Variants in RANBP10 observed in about 807,000 individuals in gnomAD.
The protein encoded by RANBP10 is ran-binding protein 10.
In RANBP10, 24 loss-of-function variants were observed where a neutral mutation model predicts 72.8. The observed-to-expected ratio is 0.33, with a 90% CI of 0.24 to 0.46. The LOEUF is 0.46. RANBP10 is among the 20% of genes least tolerant of loss of function. The pLI is 1.00. For synonymous variants in RANBP10, 310 were observed against 322.3 expected, an observed-to-expected ratio of 0.96 and a Z score of 0.41; for missense variants, 679 against 817.5, an observed-to-expected ratio of 0.83 and a Z score of 2.07.
chr16:67,734,779 C>T, intron 6 of RANBP10, 79 bp downstream of exon 6: 1 of 1,357,228 alleles, frequency 7.4e-7, no homozygotes, highest in Admixed American at 3.1e-5. Flanking sequence ...GTAAGAACAG[C>T]TTGTAGCCCT....
chr16:67,737,192 CTTTTTTTTTTTTTT>C lies in RANBP10; in HGVS notation c.591+807_591+820del, dbSNP rs71145979. Among the ~76,000 whole-genome samples, 177 of 75,968 alleles carry C rather than the reference CTTTTTTTTTTTTTT, an allele frequency of 2.3e-3. 3 individuals are homozygous for C. Among genetic ancestry groups the C allele is most frequent in the Non-Finnish European group, 3.7e-3 (150 of 40,352 alleles). The allele number at this position is 75,968 out of a possible 152,430, so 49.8% of individuals were successfully genotyped here. A position where few individuals can be genotyped will look rare whatever the true frequency, so the allele number is the denominator to read the frequency against. On this transcript the variant is annotated intron_variant, in intron 5 of 13. Transcript: ENST00000317506. ...AGCAAGCAGAAAACTCCATCCTTTT[CTTTTTTTTTTTTTT>C]TTTTTTTTTTTTGAGACGGAGGCTC... is the stretch of plus-strand genomic sequence containing the variant.
intron 2 of RANBP10, among the ~76,000 whole-genome samples, chr16:67,786,203 C>T (rs2054914741): frequency 6.6e-6 from 1 of 151,786 alleles, no homozygotes; most frequent in Non-Finnish European, 1.5e-5. Context: ...GTGGCATGCA[C>T]CTGTAGTCCC....
intron 2 of RANBP10, among the ~76,000 whole-genome samples, chr16:67,800,809 G>C (rs2055222771): frequency 6.6e-6 from 1 of 152,162 alleles, no homozygotes; most frequent in African/African-American, 2.4e-5. Flanking sequence ...AGTCAAGCTA[G>C]TTACCCATCA....
At chr16:67,765,584 C>T (rs147449674) in intron 3 of RANBP10, among the ~76,000 whole-genome samples, 7,126 of 152,104 alleles carry the variant, frequency 0.047, 476 homozygotes, top group African/African-American at 0.15. Context: ...CGCCTGTAGT[C>T]CCAGCACTTT....
chr16:67,796,928 G>C (rs2055144452), intron 2 of RANBP10, among the ~76,000 whole-genome samples: 1 of 152,174 alleles, frequency 6.6e-6, no homozygotes, highest in African/African-American at 2.4e-5. Context: ...GAGAGGCAGA[G>C]GAACATCTTT....
intron 2 of RANBP10, among the ~76,000 whole-genome samples, chr16:67,800,596 C>T (rs1425927034): frequency 6.6e-6 from 1 of 152,134 alleles, no homozygotes; most frequent in East Asian, 1.9e-4. Flanking sequence ...ACCTGGATGC[C>T]CCTTATCTCC....
At chr16:67,787,254 C>CA (rs1265072301) in intron 2 of RANBP10, among the ~76,000 whole-genome samples, 1 of 151,976 alleles carries the variant, frequency 6.6e-6, no homozygotes, top group African/African-American at 2.4e-5. Flanking sequence ...ATCAATCAAT[C>CA]AATCAATCAA....
chr16:67,739,364 A>C (rs755123574), intron 4 of RANBP10, among the ~76,000 whole-genome samples: 2 of 152,146 alleles, frequency 1.3e-5, no homozygotes, highest in African/African-American at 2.4e-5. Context: ...GAGGTTCGAC[A>C]ATTTGCCAGT....
At chr16:67,747,348 TC>T (rs2054102102) in intron 3 of RANBP10, among the ~76,000 whole-genome samples, 1 of 152,252 alleles carries the variant, frequency 6.6e-6, no homozygotes, top group African/African-American at 2.4e-5. Context: ...AACTGTTTTT[TC>T]AAATTTTTAA....
chr16:67,740,218 T>C (rs1354781947), intron 4 of RANBP10, among the ~76,000 whole-genome samples: 4 of 151,282 alleles, frequency 2.6e-5, no homozygotes, highest in Non-Finnish European at 5.9e-5. Context: ...TTCTCCCGCC[T>C]CAGCCTCCCA....
At chr16:67,741,623 A>G (rs2053971092) in intron 4 of RANBP10, among the ~76,000 whole-genome samples, 1 of 152,256 alleles carries the variant, frequency 6.6e-6, no homozygotes, top group South Asian at 2.1e-4. Context: ...GACATCAGTC[A>G]GTATCTCCGT....
At chr16:67,785,723 C>T (rs2054903979) in intron 2 of RANBP10, among the ~76,000 whole-genome samples, 1 of 93,428 alleles carries the variant, frequency 1.1e-5, no homozygotes, top group East Asian at 2.1e-4. Context: ...GTGAGTGAGA[C>T]TCCATCTCAA....
intron 3 of RANBP10, among the ~76,000 whole-genome samples, chr16:67,760,071 G>C (rs1370475747): frequency 6.7e-6 from 1 of 148,822 alleles, no homozygotes; most frequent in East Asian, 2.0e-4. Context: ...CTGCACTCCA[G>C]CCTAGGTGAC....
At chr16:67,737,826 C>T (rs1188813653) in intron 5 of RANBP10, among the ~76,000 whole-genome samples, 187 bp downstream of exon 5, 4 of 152,130 alleles carry the variant, frequency 2.6e-5, no homozygotes, top group Non-Finnish European at 4.4e-5. Flanking sequence ...GAAGACCAGA[C>T]CTTACTGCTG....
At chr16:67,754,076 T>C (rs958980520) in intron 3 of RANBP10, among the ~76,000 whole-genome samples, 1 of 143,330 alleles carries the variant, frequency 7.0e-6, no homozygotes, top group East Asian at 2.0e-4. Flanking sequence ...GAGCTTGCAG[T>C]GAGCAGAGAT....
chr16:67,792,100 C>A (rs2055039739), intron 2 of RANBP10, among the ~76,000 whole-genome samples: 1 of 151,020 alleles, frequency 6.6e-6, no homozygotes, highest in Non-Finnish European at 1.5e-5. Flanking sequence ...TCCATCATGA[C>A]ACTGGCTGCT....
intron 11 of RANBP10, 78 bp from the exon 12 acceptor site, chr16:67,727,974 C>A: frequency 1.3e-6 from 2 of 1,521,646 alleles, no homozygotes; most frequent in East Asian, 4.6e-5. Context: ...GCAGGAAGGA[C>A]CCCGGGTGGG....
chr16:67,775,171 G>T (rs2143013521), intron 2 of RANBP10, among the ~76,000 whole-genome samples: 1 of 152,234 alleles, frequency 6.6e-6, no homozygotes, highest in Admixed American at 6.5e-5. Context: ...AATTAGCAGG[G>T]TGTGGTGGCA....
rs560244796 is a variant in RANBP10, at chr16:67,745,057, C to T, written c.401-602G>A. The stretch of plus-strand genomic sequence containing the variant: ...ATGTTAGCCAGGATGGTCTCAATCT[C>T]CTGACCTCGTGATCCGCCCGCCTCA... On this transcript the variant is annotated intron_variant, in intron 3 of 13. Transcript: ENST00000317506. 2.1e-3 allele frequency among the ~76,000 whole-genome samples: 315 copies of T among 152,136 alleles called. 1 individual carries two copies. Among genetic ancestry groups the T allele is most frequent in the Non-Finnish European group, 3.3e-3 (225 of 67,966 alleles).
Sources: allele counts gnomAD v4.1 joint callset (sites outside exome capture counted in the v4.1 genomes callset), GRCh38; gene constraint gnomAD v4.1.1; transcripts MANE v1.5; gene names NCBI Gene and HGNC (gene_info 2026-07-23, HGNC 2026-07-21).